Variants in NUP133 observed in about 807,000 individuals in gnomAD.
The protein encoded by NUP133 is nuclear pore complex protein Nup133.
NUP133 carries 66 observed loss-of-function variants against 146.2 expected under a neutral mutation model. The ratio of observed to expected loss-of-function variants is 0.45; its 90% confidence interval spans 0.37 to 0.55. NUP133 has a LOEUF of 0.55. Ranked by LOEUF, NUP133 falls within the 20% of genes least tolerant of loss-of-function variation. The pLI, the probability that NUP133 is intolerant of heterozygous loss-of-function variation, is 0.00. For synonymous variants in NUP133, 521 were observed against 498.8 expected (o/e 1.04, Z -0.59); for missense variants, 1,277 against 1,374.8 (o/e 0.93, Z 1.12).
intron 24 of NUP133, among the ~76,000 whole-genome samples, chr1:229,445,237 A>C (rs1266765665): frequency 6.6e-6 from 1 of 152,184 alleles, no homozygotes; most frequent in East Asian, 1.9e-4. Context: ...CGCCAAGGAA[A>C]ACACATTTAA....
At position 229,456,758 on chromosome 1, in the gene NUP133, C is replaced by CAT. The variant is rs954336572; in HGVS notation, c.2980+1402_2980+1403insAT. 1.0e-4 allele frequency among the ~76,000 whole-genome samples: 15 copies of CAT among 150,348 alleles called. 1 individual carries two copies. The highest frequency in any genetic ancestry group is 3.7e-4 in the African/African-American group (15 of 40,500). On this transcript the variant is annotated intron_variant, in intron 21 of 25. Coordinates refer to ENST00000261396, the MANE Select transcript of NUP133 (RefSeq NM_018230.3). ...TGTGTATTGTGTATATATATATACA[C>CAT]ACAATTTTATATATACACACACACA...
chr1:229,444,795 C>T (rs989683909), intron 25 of NUP133, 119 bp downstream of exon 25: 9 of 649,954 alleles, frequency 1.4e-5, no homozygotes, highest in Non-Finnish European at 2.2e-5. Flanking sequence ...TGCACTGAGC[C>T]GAGATCATAC....
intron 2 of NUP133, among the ~76,000 whole-genome samples, chr1:229,504,779 G>A (rs762175273): frequency 1.3e-5 from 2 of 152,140 alleles, no homozygotes; most frequent in African/African-American, 4.8e-5. Flanking sequence ...GTGGTCAATC[G>A]TAGTCTGAAA....
At chr1:229,450,812 G>GA in intron 22 of NUP133, 1 of 259,298 alleles carries the variant, frequency 3.9e-6, no homozygotes, top group Non-Finnish European at 7.3e-6. Flanking sequence ...TGAAACTTCT[G>GA]CCTCCCAGGT....
intron 14 of NUP133, among the ~76,000 whole-genome samples, chr1:229,473,958 T>A (rs1005602311): frequency 7.9e-5 from 12 of 152,176 alleles, no homozygotes; most frequent in African/African-American, 2.9e-4. Flanking sequence ...ATAAATTCTT[T>A]AATTTTTCAT....
At chr1:229,474,947 GA>G (rs927974068) in intron 14 of NUP133, among the ~76,000 whole-genome samples, 2 of 151,530 alleles carry the variant, frequency 1.3e-5, no homozygotes, top group African/African-American at 4.8e-5. Flanking sequence ...TACAAAAACT[GA>G]AAAAAAATTA....
chr1:229,449,638 T>A (rs182258318), intron 23 of NUP133, among the ~76,000 whole-genome samples: 7 of 151,794 alleles, frequency 4.6e-5, no homozygotes. Flanking sequence ...CCCAAAGTGC[T>A]AGGATTACAG....
chr1:229,443,891 ACTC>A (rs1159400668), intron 25 of NUP133, among the ~76,000 whole-genome samples: 8 of 138,308 alleles, frequency 5.8e-5, no homozygotes, highest in Non-Finnish European at 1.2e-4. Context: ...CCTGTGCTCA[ACTC>A]TTTTTTTTTT....
At chr1:229,449,077 GA>G in intron 24 of NUP133, 48 bp downstream of exon 24, 1 of 1,391,086 alleles carries the variant, frequency 7.2e-7, no homozygotes, top group Non-Finnish European at 1.0e-6. Context: ...GAGAGCAGAG[GA>G]AAAGCAGTTT....
chr1:229,506,801 A>T (rs1661951543), intron 1 of NUP133, among the ~76,000 whole-genome samples: 1 of 143,980 alleles, frequency 6.9e-6, no homozygotes, highest in Non-Finnish European at 1.5e-5. Context: ...TGGGCGACAG[A>T]GAGTGAGACC....
chr1:229,460,581 A>G (rs1660670797), intron 20 of NUP133, 30 bp downstream of exon 20: 1 of 1,582,002 alleles, frequency 6.3e-7, no homozygotes, highest in South Asian at 1.2e-5. Context: ...TAAATTGCAC[A>G]CATCTGCTCC....
chr1:229,500,667 A>C, intron 4 of NUP133, 89 bp downstream of exon 4: 1 of 727,680 alleles, frequency 1.4e-6, no homozygotes, highest in Admixed American at 2.7e-5. Flanking sequence ...GTTTATAGTT[A>C]TATCTCAAAA....
chr1:229,464,832 C>G lies in NUP133; in HGVS notation c.2343G>C (p.Gln781His). 1 of 1,614,214 alleles carries G rather than the reference C, an allele frequency of 6.2e-7. No individual in the cohort carries two copies. The highest frequency in any genetic ancestry group is 8.5e-7 in the Non-Finnish European group (1 of 1,180,038). The change falls in exon 18 of 26, where the codon CAG (glutamine) becomes CAC (histidine). Residue 781 changes from glutamine to histidine, a missense_variant. Transcript: ENST00000261396. Reference protein sequence around the residue: ...PGGIRTVIIRQHEIVLKVAYP... With the variant: ...PGGIRTVIIRHHEIVLKVAYP... ...AAGCCACCTTCAGGACAATCTCATGCTGGCGTATTATTACCGTTCGGATGC... is the reference window on the plus strand; with the variant it reads ...AAGCCACCTTCAGGACAATCTCATGGTGGCGTATTATTACCGTTCGGATGC...
At chr1:229,447,615 G>A (rs181763864) in intron 24 of NUP133, among the ~76,000 whole-genome samples, 131 of 151,408 alleles carry the variant, frequency 8.7e-4, no homozygotes, top group African/African-American at 3.0e-3. Context: ...AAGAGGGGCT[G>A]AAGGTTAAAT....
At position 229,477,625 on chromosome 1, in the gene NUP133, G is replaced by C; in HGVS notation, c.1728C>G (p.Asp576Glu). The C allele has an allele frequency of 6.2e-7, 1 of 1,613,558 alleles. No individual in the cohort carries two copies. The highest frequency in any genetic ancestry group is 8.5e-7 in the Non-Finnish European group (1 of 1,179,674). Residue 576 changes from aspartate to glutamate, a missense_variant, in exon 13 of 26, where the codon GAC becomes GAG. Physicochemically the swap from Asp to Glu is conservative, Grantham distance 45. Transcript: ENST00000261396. ...VDLMDDYPAS[D>E]PRWAESVPEE... is the part of the protein sequence containing the mutation. ...CAGGGACAGACTCAGCCCACCGTGG[G>C]TCAGATGCTGGGTAGTCATCCATCA...
At chr1:229,491,499 C>T (rs1370300662) in intron 8 of NUP133, among the ~76,000 whole-genome samples, 1 of 152,136 alleles carries the variant, frequency 6.6e-6, no homozygotes, top group Non-Finnish European at 1.5e-5. Flanking sequence ...ATTTAAAAGG[C>T]CAGGTGTGGT....
Position 229,440,622 on chromosome 1 carries a change from T to C in NUP133, c.*1282A>G, listed in dbSNP as rs891747893. 6.6e-6 allele frequency: 1 copy of C among 152,284 alleles called. No individual in the cohort carries two copies. The highest frequency in any genetic ancestry group is 1.5e-5 in the Non-Finnish European group (1 of 68,078). The allele number at this position is 152,284 out of a possible 1,614,324, so 9.4% of individuals were successfully genotyped here. ...ACCTCCACGTAAAAGCAAAGCCTCA[T>C]CTTACGATACAAGTACTCAGCGGTT... On this transcript the variant is annotated 3_prime_UTR_variant, in exon 26 of 26. Coordinates refer to ENST00000261396, the MANE Select transcript of NUP133 (RefSeq NM_018230.3).
At chr1:229,456,743 G>GTATA (rs35686668) in intron 21 of NUP133, among the ~76,000 whole-genome samples, 2,687 of 149,858 alleles carry the variant, frequency 0.018, 83 homozygotes, top group African/African-American at 0.061. Context: ...TGTGTATTGT[G>GTATA]TATATATATA....
chr1:229,455,375 C>T (rs577977922), intron 21 of NUP133, among the ~76,000 whole-genome samples: 45 of 152,192 alleles, frequency 3.0e-4, no homozygotes, highest in Admixed American at 3.3e-4. Flanking sequence ...CCTGGGTACA[C>T]ATGGTGAAAC....
Sources: allele counts gnomAD v4.1 joint callset (sites outside exome capture counted in the v4.1 genomes callset), GRCh38; gene constraint gnomAD v4.1.1; transcripts MANE v1.5; gene names NCBI Gene and HGNC (gene_info 2026-07-23, HGNC 2026-07-21).